The following CSMD1 variants were observed in gnomAD, a reference collection of about 807,000 sequenced individuals.
CSMD1 encodes the protein CUB and sushi domain-containing protein 1.
Under a neutral mutation model 417.5 loss-of-function variants are expected in CSMD1, and 213 were observed. The ratio of observed to expected loss-of-function variants is 0.51; its 90% CI spans 0.46 to 0.57. The LOEUF (loss-of-function observed/expected upper bound fraction) is 0.57, where lower values mean the gene tolerates loss of function less well. Among genes scored for constraint, CSMD1 ranks in the 20% least tolerant of loss-of-function variants. CSMD1 has a pLI of 0.00. For synonymous variants in CSMD1, 2,862 were observed against 1,736.8 expected, an observed-to-expected ratio of 1.65 and a Z score of -16.11; for missense variants, 6,923 against 4,529.7, an observed-to-expected ratio of 1.53 and a Z score of -15.17.
intron 1 of CSMD1, among the ~76,000 whole-genome samples, chr8:4,853,816 C>G (rs966759695): frequency 6.6e-6 from 1 of 152,146 alleles, no homozygotes; most frequent in Non-Finnish European, 1.5e-5. Flanking sequence ...TGGACCTGAC[C>G]AAAGCCTTGG....
intron 5 of CSMD1, among the ~76,000 whole-genome samples, chr8:3,939,724 G>C (rs911142611): frequency 2.6e-5 from 4 of 152,044 alleles, no homozygotes; most frequent in African/African-American, 9.7e-5. Flanking sequence ...GCAGCAACTT[G>C]GATGAACCTG....
intron 57 of CSMD1, among the ~76,000 whole-genome samples, chr8:2,969,565 T>C (rs1421911995): frequency 6.6e-6 from 1 of 152,216 alleles, no homozygotes; most frequent in African/African-American, 2.4e-5. Flanking sequence ...CAATTTACCA[T>C]CAGTATCTAA....
chr8:3,578,884 C>T (rs556188180), intron 9 of CSMD1, among the ~76,000 whole-genome samples: 1 of 152,286 alleles, frequency 6.6e-6, no homozygotes, highest in South Asian at 2.1e-4. Flanking sequence ...AGTGCCAAGC[C>T]AGTTTTTAAA....
chr8:2,948,967 C>CTT (rs879697468), intron 68 of CSMD1, among the ~76,000 whole-genome samples: 1 of 146,246 alleles, frequency 6.8e-6, no homozygotes, highest in Admixed American at 6.9e-5. Flanking sequence ...ATTACTCTTA[C>CTT]TTTTTTTTTT....
chr8:4,530,368 G>C (rs997776642), intron 2 of CSMD1, among the ~76,000 whole-genome samples: 2 of 113,776 alleles, frequency 1.8e-5, no homozygotes, highest in Admixed American at 1.2e-4. Context: ...GGATACACTT[G>C]CTGAACGTGC....
intron 23 of CSMD1, among the ~76,000 whole-genome samples, chr8:3,309,376 A>G (rs1396347630): frequency 6.8e-6 from 1 of 147,036 alleles, no homozygotes; most frequent in African/African-American, 2.4e-5. Context: ...CTGATGGTGC[A>G]TGGTTATGAG....
intron 1 of CSMD1, among the ~76,000 whole-genome samples, chr8:4,646,373 C>T (rs947537337): frequency 1.3e-5 from 2 of 152,124 alleles, no homozygotes; most frequent in African/African-American, 4.8e-5. Flanking sequence ...ATGTATTACT[C>T]TTGCTTTAAT....
intron 12 of CSMD1, among the ~76,000 whole-genome samples, chr8:3,418,281 C>T (rs1178190305): frequency 6.6e-6 from 1 of 152,060 alleles, no homozygotes; most frequent in South Asian, 2.1e-4. Context: ...CAGAAATGAA[C>T]TGTCTCAGCA....
intron 1 of CSMD1, among the ~76,000 whole-genome samples, chr8:4,923,622 C>T (rs1385387436): frequency 6.6e-6 from 1 of 152,068 alleles, no homozygotes; most frequent in African/African-American, 2.4e-5. Context: ...ACACACTACA[C>T]TTGTATTCTA....
intron 6 of CSMD1, among the ~76,000 whole-genome samples, chr8:3,719,403 C>T (rs1802018255): frequency 6.6e-6 from 1 of 152,044 alleles, no homozygotes; most frequent in Non-Finnish European, 1.5e-5. Flanking sequence ...AATTAACTAC[C>T]CTAAAAGTCT....
At chr8:4,223,077 G>T (rs1002193483) in intron 3 of CSMD1, among the ~76,000 whole-genome samples, 1 of 152,024 alleles carries the variant, frequency 6.6e-6, no homozygotes, top group Non-Finnish European at 1.5e-5. Context: ...TGCCTAAACA[G>T]CTGGTTCCCT....
chr8:4,368,847 C>G (rs1273562322), intron 3 of CSMD1, among the ~76,000 whole-genome samples: 1 of 151,994 alleles, frequency 6.6e-6, no homozygotes, highest in Non-Finnish European at 1.5e-5. Context: ...TTTGGGTCTT[C>G]TTAAAATTAA....
intron 5 of CSMD1, among the ~76,000 whole-genome samples, chr8:3,981,499 G>GAAAAA (rs1813861594): frequency 4.7e-5 from 1 of 21,462 alleles, no homozygotes; most frequent in Non-Finnish European, 1.0e-4. Flanking sequence ...ATAGAAAAAA[G>GAAAAA]TAAAAAAAAA....
At chr8:4,053,795 T>C (rs1018498455) in intron 3 of CSMD1, among the ~76,000 whole-genome samples, 2 of 152,198 alleles carry the variant, frequency 1.3e-5, no homozygotes, top group Admixed American at 1.3e-4. Flanking sequence ...TAAACCAGTA[T>C]GTTTAAATGC....
At chr8:2,970,676 A>G (rs2128931624) in intron 57 of CSMD1, among the ~76,000 whole-genome samples, 1 of 152,332 alleles carries the variant, frequency 6.6e-6, no homozygotes, top group Middle Eastern at 3.4e-3. Context: ...ATCCAGAACC[A>G]AGACTTTGTG....
At chr8:3,768,245 G>A (rs2720774) in intron 5 of CSMD1, among the ~76,000 whole-genome samples, 68,556 of 151,892 alleles carry the variant, frequency 0.45, 16,224 homozygotes, top group East Asian at 0.6. Flanking sequence ...GCAACAAGGC[G>A]GAGACGTATT....
At chr8:3,668,887 G>A (rs1355237169) in intron 7 of CSMD1, among the ~76,000 whole-genome samples, 1 of 152,148 alleles carries the variant, frequency 6.6e-6, no homozygotes. Context: ...CTTAATGCGG[G>A]TGGCAAAGCA....
intron 2 of CSMD1, among the ~76,000 whole-genome samples, chr8:4,609,540 G>T (rs1296204241): frequency 6.6e-6 from 1 of 152,104 alleles, no homozygotes; most frequent in African/African-American, 2.4e-5. Context: ...TTTCTTTATT[G>T]TACTAAACAC....
chr8:4,727,635 G>C (rs909776795), intron 1 of CSMD1, among the ~76,000 whole-genome samples: 3 of 151,960 alleles, frequency 2.0e-5, no homozygotes, highest in African/African-American at 4.8e-5. Flanking sequence ...CCGTGATCTG[G>C]TTCCCACTTG....
Sources: allele counts gnomAD v4.1 joint callset (sites outside exome capture counted in the v4.1 genomes callset), GRCh38; gene constraint gnomAD v4.1.1; transcripts MANE v1.5; gene names NCBI Gene and HGNC (gene_info 2026-07-23, HGNC 2026-07-21).